The following VWA8 variants were observed in gnomAD, a reference collection of about 807,000 sequenced individuals.
VWA8 encodes the protein von Willebrand factor A domain containing 8.
In VWA8, 221 loss-of-function variants were observed where a neutral mutation model predicts 241.5. The observed-to-expected ratio is 0.91, with a 90% confidence interval of 0.82 to 1.02. The LOEUF (loss-of-function observed/expected upper bound fraction) is 1.02. VWA8 is among the 50% of genes least tolerant of loss of function. VWA8 has a pLI of 0.00. For synonymous variants in VWA8, 852 were observed against 827.1 expected (o/e 1.03, Z -0.52); for missense variants, 2,322 against 2,328.7 (o/e 1.00, Z 0.06).
intron 18 of VWA8, among the ~76,000 whole-genome samples, chr13:41,786,280 A>G (rs1204158115): frequency 1.3e-5 from 2 of 152,172 alleles, no homozygotes; most frequent in South Asian, 2.1e-4. Context: ...TTTCACATGG[A>G]CTATGATATA....
At chr13:41,633,432 C>A (rs1386428569) in intron 37 of VWA8, among the ~76,000 whole-genome samples, 2 of 152,108 alleles carry the variant, frequency 1.3e-5, no homozygotes, top group Non-Finnish European at 2.9e-5. Flanking sequence ...GTCAAAGCCA[C>A]AGAATGACCG....
intron 3 of VWA8, 69 bp from the exon 4 acceptor site, chr13:41,907,765 T>C (rs759298707): frequency 9.3e-5 from 125 of 1,340,010 alleles, no homozygotes; most frequent in Middle Eastern, 1.9e-4. Context: ...TGGAACTAGT[T>C]ATCTGACAAT....
intron 2 of VWA8, among the ~76,000 whole-genome samples, chr13:41,936,189 G>A (rs1877339368): frequency 6.6e-6 from 1 of 152,036 alleles, no homozygotes; most frequent in Non-Finnish European, 1.5e-5. Context: ...AAACTATATA[G>A]GTATTGGACA....
chr13:41,891,604 T>C lies in VWA8; in HGVS notation c.484-17A>G. On this transcript the variant is annotated splice_polypyrimidine_tract_variant and intron_variant, in intron 4 of 44. Coordinates refer to ENST00000379310, the MANE Select transcript of VWA8 (RefSeq NM_015058.2). ...AACTGCACACTATTTCCAAGAAACGTAAAAGCAAAATGAGAATACTGAAGT... is the reference window on the plus strand; with the variant it reads ...AACTGCACACTATTTCCAAGAAACGCAAAAGCAAAATGAGAATACTGAAGT... The C allele has an allele frequency of 6.2e-7, 1 of 1,613,312 alleles. No homozygotes were observed. The highest frequency in any genetic ancestry group is 8.5e-7 in the Non-Finnish European group (1 of 1,179,744).
chr13:41,903,596 T>C (rs1875562235), intron 4 of VWA8, among the ~76,000 whole-genome samples: 1 of 151,948 alleles, frequency 6.6e-6, no homozygotes, highest in East Asian at 1.9e-4. Flanking sequence ...GAGGCAAGAA[T>C]ATAAAGTACA....
chr13:41,733,189 A>C (rs1218343797), intron 21 of VWA8, among the ~76,000 whole-genome samples: 1 of 152,220 alleles, frequency 6.6e-6, no homozygotes, highest in East Asian at 1.9e-4. Flanking sequence ...AATCTATTAA[A>C]ATTGTAAAAT....
intron 40 of VWA8, among the ~76,000 whole-genome samples, chr13:41,591,716 T>G (rs1271562837): frequency 2.0e-5 from 3 of 147,028 alleles, no homozygotes; most frequent in African/African-American, 2.5e-5. Context: ...CATGAAAAAA[T>G]GCTCATCATC....
At chr13:41,774,893 A>G (rs1352899028) in intron 20 of VWA8, among the ~76,000 whole-genome samples, 1 of 152,218 alleles carries the variant, frequency 6.6e-6, no homozygotes, top group Non-Finnish European at 1.5e-5. Flanking sequence ...AAAAATCTGA[A>G]AAGGAAGGAA....
chr13:41,586,405 G>A lies in VWA8; in HGVS notation c.5271+1107C>T, dbSNP rs1447084822. On this transcript the variant is annotated intron_variant, in intron 42 of 44. Transcript: ENST00000379310. The stretch of plus-strand genomic sequence containing the variant: ...CAAGGGAAACAAAGCTACTCCCCAC[G>A]GTGAAAGTCCATGTCTTATTTGTAT... 3.9e-5 allele frequency among the ~76,000 whole-genome samples: 6 copies of A among 152,084 alleles called. No homozygotes were observed. The South Asian group carries it at 6.2e-4, about 16-fold the overall frequency.
At chr13:41,927,867 T>C (rs1282845319) in intron 2 of VWA8, among the ~76,000 whole-genome samples, 1 of 152,164 alleles carries the variant, frequency 6.6e-6, no homozygotes, top group Non-Finnish European at 1.5e-5. Context: ...CACTTTAGCT[T>C]TAAGGACAGA....
intron 35 of VWA8, among the ~76,000 whole-genome samples, chr13:41,682,216 C>T (rs764706205): frequency 1.3e-5 from 2 of 152,102 alleles, no homozygotes; most frequent in Non-Finnish European, 2.9e-5. Context: ...AATAGACCCA[C>T]TCATGTGGGC....
At chr13:41,642,546 G>A (rs1270624873) in intron 37 of VWA8, among the ~76,000 whole-genome samples, 3 of 145,150 alleles carry the variant, frequency 2.1e-5, no homozygotes, top group Admixed American at 1.4e-4. Flanking sequence ...GTGACAGTGC[G>A]GGATTCCGTC....
intron 21 of VWA8, among the ~76,000 whole-genome samples, chr13:41,737,293 A>G (rs753692022): frequency 6.6e-6 from 1 of 152,242 alleles, no homozygotes; most frequent in Non-Finnish European, 1.5e-5. Flanking sequence ...AACTTTCACA[A>G]GACCTATTTT....
At chr13:41,748,873 G>T (rs543813597) in intron 21 of VWA8, among the ~76,000 whole-genome samples, 23 of 152,168 alleles carry the variant, frequency 1.5e-4, no homozygotes, top group Non-Finnish European at 3.1e-4. Flanking sequence ...ATGGATTAAA[G>T]ACTTAAATGT....
intron 14 of VWA8, among the ~76,000 whole-genome samples, chr13:41,824,544 T>C (rs1425382184): frequency 6.6e-6 from 1 of 151,938 alleles, no homozygotes; most frequent in East Asian, 1.9e-4. Flanking sequence ...GCTCAGTATA[T>C]TGGATGGGTG....
At chr13:41,833,295 T>G in intron 13 of VWA8, 76 bp downstream of exon 13, 1,652 of 1,417,590 alleles carry the variant, frequency 1.2e-3, no homozygotes, top group Non-Finnish European at 1.4e-3. Flanking sequence ...AGAAAAAGAA[T>G]GAGATAGTTC....
intron 5 of VWA8, 134 bp downstream of exon 5, chr13:41,891,286 C>T: frequency 2.0e-6 from 2 of 1,023,540 alleles, no homozygotes; most frequent in South Asian, 1.7e-5. Flanking sequence ...AAATTCATGA[C>T]TCTAGCAATT....
intron 21 of VWA8, among the ~76,000 whole-genome samples, chr13:41,748,454 T>C (rs1332996454): frequency 2.6e-5 from 4 of 152,230 alleles, no homozygotes; most frequent in Non-Finnish European, 4.4e-5. Context: ...ATCCCCTTTA[T>C]CATTTTTTAT....
intron 20 of VWA8, among the ~76,000 whole-genome samples, chr13:41,764,868 C>T (rs1466355783): frequency 2.0e-5 from 3 of 151,948 alleles, no homozygotes; most frequent in Admixed American, 6.6e-5. Flanking sequence ...AGGAATAATA[C>T]GATCAGATTT....
Sources: allele counts gnomAD v4.1 joint callset (sites outside exome capture counted in the v4.1 genomes callset), GRCh38; gene constraint gnomAD v4.1.1; transcripts MANE v1.5; gene names NCBI Gene and HGNC (gene_info 2026-07-23, HGNC 2026-07-21).